Variants in TTC7A observed in about 807,000 individuals in gnomAD.
TTC7A encodes the protein tetratricopeptide repeat protein 7A.
Under a neutral mutation model 103.7 loss-of-function variants are expected in TTC7A, and 110 were observed. The observed-to-expected ratio is 1.06, with a 90% CI of 0.91 to 1.24. TTC7A has a LOEUF of 1.24. Ranked by LOEUF, TTC7A falls within the 50% of genes most tolerant of loss-of-function variation. The probability of loss-of-function intolerance (pLI) is 0.00; values close to 1 mark genes in which losing one functional copy is unlikely to be tolerated. For missense variants in TTC7A, 1,340 were observed against 1,116.3 expected, an observed-to-expected ratio of 1.20 and a Z score of -2.86; for synonymous variants, 521 against 467.9, an observed-to-expected ratio of 1.11 and a Z score of -1.47.
Position 46,995,121 on chromosome 2 carries a change from A to G in TTC7A, c.1002-15A>G. ...GGTGTGTGCTCTAGCCAGGCCTGTC[A>G]TTGGTGTCTTTCAGCCTCTACTGCC... On this transcript the variant is annotated splice_polypyrimidine_tract_variant and intron_variant, in intron 7 of 19. Coordinates refer to ENST00000319190, the MANE Select transcript of TTC7A (RefSeq NM_020458.4). The G allele has an allele frequency of 1.9e-6, 3 of 1,613,952 alleles. No individual in the cohort carries two copies. Among genetic ancestry groups the G allele is most frequent in the Non-Finnish European group, 2.5e-6 (3 of 1,179,886 alleles).
At chr2:47,018,598 A>G (rs1678936167) in intron 11 of TTC7A, among the ~76,000 whole-genome samples, 1 of 151,556 alleles carries the variant, frequency 6.6e-6, no homozygotes, top group Non-Finnish European at 1.5e-5. Flanking sequence ...AAAAAAAAAA[A>G]AAGCTTATAT....
At chr2:47,071,284 C>A (rs1684675900) in intron 19 of TTC7A, 1 of 152,126 alleles carries the variant, frequency 6.6e-6, no homozygotes, top group Non-Finnish European at 1.5e-5. Context: ...CCAGCCTGAC[C>A]CCAGCCTGGT....
chr2:47,011,386 C>T lies in TTC7A; in HGVS notation c.1343C>T (p.Pro448Leu). 6.2e-7 allele frequency: 1 copy of T among 1,612,102 alleles called. No homozygotes were observed. Among genetic ancestry groups the T allele is most frequent in the Non-Finnish European group, 8.5e-7 (1 of 1,179,922 alleles). ...TGTGTGAAGTTGCGGCCCTCGGACCCCACCGTGCCCCTGATGGCCGCGAAG... is the reference window on the plus strand; with the variant it reads ...TGTGTGAAGTTGCGGCCCTCGGACCTCACCGTGCCCCTGATGGCCGCGAAG... ...RECVKLRPSD[P>L]TVPLMAAKVC... The change falls in exon 11 of 20, where the codon CCC becomes CTC. Residue 448 changes from proline to leucine, a missense_variant. Coordinates refer to ENST00000319190, the MANE Select transcript of TTC7A (RefSeq NM_020458.4).
chr2:47,031,155 AAG>A (rs373334743), intron 15 of TTC7A, among the ~76,000 whole-genome samples: 58 of 152,330 alleles, frequency 3.8e-4, no homozygotes, highest in South Asian at 8.3e-4. Context: ...TCAAAAAAGA[AAG>A]AGAGAGAGAC....
At chr2:47,059,034 T>C (rs1683554559) in intron 18 of TTC7A, among the ~76,000 whole-genome samples, 1 of 137,978 alleles carries the variant, frequency 7.2e-6, no homozygotes, top group South Asian at 2.4e-4. Flanking sequence ...TTTTTTTTTT[T>C]TTTTTGAGAT....
At chr2:47,047,219 T>G in intron 16 of TTC7A, 1 of 1,117,076 alleles carries the variant, frequency 9.0e-7, no homozygotes, top group Non-Finnish European at 1.3e-6. Context: ...GTCATCTCCC[T>G]GAGGCCTCAG....
At chr2:46,969,604 C>T (rs1673175089) in intron 3 of TTC7A, among the ~76,000 whole-genome samples, 6 of 152,126 alleles carry the variant, frequency 3.9e-5, no homozygotes, top group South Asian at 2.1e-4. Context: ...TTAGTAGAGA[C>T]GGGGTTTCAC....
intron 8 of TTC7A, among the ~76,000 whole-genome samples, chr2:47,000,858 A>AC (rs561789754): frequency 1.8e-3 from 273 of 152,238 alleles, no homozygotes; most frequent in Non-Finnish European, 3.3e-3. Flanking sequence ...GAGAAGCAGC[A>AC]CCCAGGGCCT....
chr2:46,938,599 A>C (rs1426884395), upstream of TTC7A, among the ~76,000 whole-genome samples: 1 of 152,176 alleles, frequency 6.6e-6, no homozygotes, highest in Non-Finnish European at 1.5e-5. Flanking sequence ...ATAAGGTCAT[A>C]GCTAATTTGG....
chr2:46,938,820 T>C (rs913888034), upstream of TTC7A, among the ~76,000 whole-genome samples: 6 of 151,912 alleles, frequency 3.9e-5, no homozygotes, highest in African/African-American at 1.5e-4. Flanking sequence ...GAGACCAGCC[T>C]GGCCAACATA....
At chr2:46,924,610 A>G (rs575570401) in intron 2 of TTC7A, among the ~76,000 whole-genome samples, 4 of 152,070 alleles carry the variant, frequency 2.6e-5, no homozygotes, top group Non-Finnish European at 5.9e-5. Flanking sequence ...GTACCTTACT[A>G]TTCATTGGAT....
At chr2:47,043,428 G>A (rs1681979368) in intron 15 of TTC7A, among the ~76,000 whole-genome samples, 1 of 152,198 alleles carries the variant, frequency 6.6e-6, no homozygotes, top group Non-Finnish European at 1.5e-5. Context: ...AGAGGCTACA[G>A]CAGAAGCACA....
intron 11 of TTC7A, among the ~76,000 whole-genome samples, chr2:47,017,246 A>G (rs1678767070): frequency 7.1e-6 from 1 of 140,944 alleles, no homozygotes; most frequent in Non-Finnish European, 1.5e-5. Context: ...CTGGGGTGGT[A>G]GGTCATGCCT....
intron 1 of TTC7A, among the ~76,000 whole-genome samples, chr2:46,946,916 G>A (rs962038008): frequency 3.9e-5 from 6 of 152,102 alleles, no homozygotes; most frequent in Non-Finnish European, 8.8e-5. Flanking sequence ...GTCTGGCCAT[G>A]TTTGTTTACC....
intron 5 of TTC7A, among the ~76,000 whole-genome samples, chr2:46,983,045 T>C (rs1214067937): frequency 1.3e-5 from 2 of 152,210 alleles, no homozygotes; most frequent in African/African-American, 4.8e-5. Flanking sequence ...TATTATCATT[T>C]GTTTTATTAT....
chr2:47,036,380 C>T (rs937775863), intron 15 of TTC7A, among the ~76,000 whole-genome samples: 2 of 152,366 alleles, frequency 1.3e-5, no homozygotes, highest in Non-Finnish European at 2.9e-5. Flanking sequence ...GGAGGATCAT[C>T]ATGAGCCTTA....
intron 3 of TTC7A, among the ~76,000 whole-genome samples, chr2:46,965,593 A>T (rs1285669879): frequency 6.5e-5 from 9 of 137,672 alleles, no homozygotes; most frequent in African/African-American, 2.4e-4. Context: ...AGACAGTCTC[A>T]CTCTGTTGCC....
intron 19 of TTC7A, among the ~76,000 whole-genome samples, chr2:47,072,459 A>G (rs17036223): frequency 0.01 from 1,596 of 152,320 alleles, 23 homozygotes; most frequent in African/African-American, 0.036. Flanking sequence ...GTTGTGTTCC[A>G]AGCTCTCCGA....
rs372796290 is a variant in TTC7A at position 47,023,457 on chromosome 2, G to T, written c.1560G>T (p.Thr520=). The T allele has an allele frequency of 1.9e-6, 3 of 1,614,118 alleles. No homozygotes were observed. Among genetic ancestry groups the T allele is most frequent in the Non-Finnish European group, 2.5e-6 (3 of 1,180,008 alleles). ...QDELHRKALQ[T]LERAQQLAPS... ...AATTGCACCGGAAGGCACTGCAGAC[G>T]CTGGAGAGGTGAGGAGGCTCCCACC... Residue 520 remains threonine, a synonymous_variant, in exon 13 of 20, where the codon ACG becomes ACT. Transcript: ENST00000319190.
Sources: gnomAD v4.1 joint callset for allele counts (sites outside exome capture counted in the v4.1 genomes callset) on GRCh38, gnomAD v4.1.1 for gene constraint, MANE v1.5 for transcripts, NCBI Gene and HGNC (gene_info 2026-07-23, HGNC 2026-07-21) for gene names.